Variants in XKR4 observed in about 807,000 individuals in gnomAD.
The protein encoded by XKR4 is XK-related protein 4.
A neutral mutation model predicts 53.9 loss-of-function variants in XKR4; 12 were observed. The observed-to-expected ratio is 0.22, with a 90% CI of 0.14 to 0.36. The LOEUF (loss-of-function observed/expected upper bound fraction) is 0.36, where lower values mean the gene tolerates loss of function less well. Ranked by LOEUF, XKR4 falls within the 10% of genes least tolerant of loss-of-function variation. The pLI, the probability that XKR4 is intolerant of heterozygous loss-of-function variation, is 1.00. For missense variants in XKR4, 799 were observed against 859.5 expected (o/e 0.93, Z 0.88); for synonymous variants, 354 against 362.4 (o/e 0.98, Z 0.26).
intron 1 of XKR4, among the ~76,000 whole-genome samples, chr8:55,132,391 A>ATGTAT (rs1816568276): frequency 6.6e-6 from 1 of 152,220 alleles, no homozygotes; most frequent in African/African-American, 2.4e-5. Context: ...CCGTATATAT[A>ATGTAT]CTGTTTTTCC....
chr8:55,197,998 T>C (rs1055328510), intron 1 of XKR4, among the ~76,000 whole-genome samples: 6 of 152,240 alleles, frequency 3.9e-5, no homozygotes, highest in Admixed American at 1.3e-4. Flanking sequence ...TGAAGGCCTC[T>C]ACACTGGCCA....
At chr8:55,393,642 T>G (rs1344192712) in intron 2 of XKR4, among the ~76,000 whole-genome samples, 1 of 152,186 alleles carries the variant, frequency 6.6e-6, no homozygotes, top group African/African-American at 2.4e-5. Context: ...TTTGGCCTGC[T>G]CAACCATCCA....
chr8:55,302,875 A>G (rs1389528040), intron 1 of XKR4, among the ~76,000 whole-genome samples: 2 of 152,250 alleles, frequency 1.3e-5, no homozygotes, highest in Non-Finnish European at 1.5e-5. Context: ...GAAGTTGCTT[A>G]TCAGCTTAAG....
intron 1 of XKR4, among the ~76,000 whole-genome samples, chr8:55,138,138 T>G (rs1194501180): frequency 6.6e-6 from 1 of 152,168 alleles, no homozygotes; most frequent in Admixed American, 6.6e-5. Context: ...AAAGCAAATG[T>G]CCGTTCATGC....
chr8:55,214,986 T>G (rs1229672039), intron 1 of XKR4, among the ~76,000 whole-genome samples: 3 of 152,186 alleles, frequency 2.0e-5, no homozygotes, highest in Non-Finnish European at 2.9e-5. Context: ...TAAATTGTGA[T>G]TCTACCATCA....
At chr8:55,120,936 T>C (rs570737808) in intron 1 of XKR4, among the ~76,000 whole-genome samples, 95 of 152,346 alleles carry the variant, frequency 6.2e-4, no homozygotes, top group African/African-American at 2.2e-3. Context: ...TTGTGCCTTT[T>C]CTAAAATGTC....
chr8:55,218,644 C>T (rs1256259638), intron 1 of XKR4, among the ~76,000 whole-genome samples: 1 of 152,112 alleles, frequency 6.6e-6, no homozygotes, highest in East Asian at 1.9e-4. Flanking sequence ...TGTGTATGGG[C>T]CCATAGGCCT....
At chr8:55,476,113 C>T (rs1025812194) in intron 2 of XKR4, among the ~76,000 whole-genome samples, 7 of 152,020 alleles carry the variant, frequency 4.6e-5, no homozygotes, top group African/African-American at 1.7e-4. Context: ...CGGGATCACT[C>T]ACAGACAGTC....
intron 1 of XKR4, among the ~76,000 whole-genome samples, chr8:55,126,529 A>C (rs940609823): frequency 6.6e-6 from 1 of 152,234 alleles, no homozygotes; most frequent in Admixed American, 6.5e-5. Context: ...TGGATGCAAA[A>C]AATACAATTT....
chr8:55,252,059 T>G (rs542701873), intron 1 of XKR4, among the ~76,000 whole-genome samples: 1 of 152,372 alleles, frequency 6.6e-6, no homozygotes, highest in South Asian at 2.1e-4. Flanking sequence ...AATGCTTATT[T>G]GTCCCACCTT....
intron 2 of XKR4, chr8:55,452,066 G>T (rs764013206): frequency 7.4e-5 from 52 of 706,274 alleles, no homozygotes; most frequent in Non-Finnish European, 1.2e-4. Context: ...TGTTCTTGGT[G>T]ACTCGGGGTG....
intron 1 of XKR4, among the ~76,000 whole-genome samples, chr8:55,280,991 GTACTA>G (rs1039011218): frequency 1.3e-5 from 2 of 152,118 alleles, no homozygotes; most frequent in African/African-American, 4.8e-5. Context: ...TTGTTAAAAT[GTACTA>G]TACAACGAAC....
At chr8:55,156,940 C>T (rs1816916314) in intron 1 of XKR4, among the ~76,000 whole-genome samples, 1 of 152,200 alleles carries the variant, frequency 6.6e-6, no homozygotes, top group South Asian at 2.1e-4. Flanking sequence ...AATACAGTAA[C>T]AGTCCATAAA....
intron 1 of XKR4, among the ~76,000 whole-genome samples, chr8:55,255,941 G>A (rs891759510): frequency 1.5e-4 from 22 of 151,490 alleles, no homozygotes; most frequent in African/African-American, 2.2e-4. Context: ...GAGACACATC[G>A]TCCAATCATT....
At chr8:55,498,610 A>G (rs960639415) in intron 2 of XKR4, among the ~76,000 whole-genome samples, 4 of 152,076 alleles carry the variant, frequency 2.6e-5, no homozygotes, top group African/African-American at 7.2e-5. Flanking sequence ...CATCTCTACA[A>G]AAAAATACAA....
intron 1 of XKR4, among the ~76,000 whole-genome samples, chr8:55,343,686 C>T (rs1021157020): frequency 5.3e-5 from 8 of 152,140 alleles, no homozygotes; most frequent in Non-Finnish European, 8.8e-5. Flanking sequence ...AGAAAGTCCT[C>T]CTATTCACAA....
intron 2 of XKR4, chr8:55,453,034 T>C (rs867151476): frequency 6.4e-6 from 4 of 623,164 alleles, no homozygotes; most frequent in African/African-American, 1.8e-5. Context: ...CTCATCCTCC[T>C]GGGAAGGTGC....
intron 2 of XKR4, among the ~76,000 whole-genome samples, chr8:55,376,643 T>C (rs1185357066): frequency 1.3e-5 from 2 of 152,176 alleles, no homozygotes; most frequent in East Asian, 3.8e-4. Context: ...GTCAGATGGA[T>C]AGACATCAAC....
Position 55,276,100 on chromosome 8 carries a change from AGAGAGACT to A in XKR4, c.807-81575_807-81568del, listed in dbSNP as rs576833944. On this transcript the variant is annotated intron_variant, in intron 1 of 2. Transcript: ENST00000327381. ...TTAGTAAAAACAATTTCTTCTTACTAGAGAGACTGAAATCGTTATACACAGTGCATCCC... is the reference window on the plus strand; with the variant it reads ...TTAGTAAAAACAATTTCTTCTTACTAGAAATCGTTATACACAGTGCATCCC... Among the ~76,000 whole-genome samples the A allele has an allele frequency of 1.4e-3, 219 of 152,370 alleles. 2 individuals are homozygous for A. The highest frequency in any genetic ancestry group is 5.0e-3 in the African/African-American group (210 of 41,592).
Sources: gnomAD v4.1 joint callset for allele counts (sites outside exome capture counted in the v4.1 genomes callset) on GRCh38, gnomAD v4.1.1 for gene constraint, MANE v1.5 for transcripts, NCBI Gene and HGNC (gene_info 2026-07-23, HGNC 2026-07-21) for gene names.